The following ST7L variants were observed in gnomAD, a reference collection of about 807,000 sequenced individuals.
ST7L encodes the protein suppression of tumorigenicity 7 like.
Under a neutral mutation model 72.5 loss-of-function variants are expected in ST7L, and 57 were observed. That is an observed-to-expected ratio of 0.79 (90% CI 0.64 to 0.98). The LOEUF (loss-of-function observed/expected upper bound fraction) is 0.98, where lower values mean the gene tolerates loss of function less well. Ranked by LOEUF, ST7L falls within the 50% of genes least tolerant of loss-of-function variation. ST7L has a pLI of 0.00. For synonymous variants in ST7L, 221 were observed against 240.9 expected, an observed-to-expected ratio of 0.92 and a Z score of 0.77; for missense variants, 576 against 672.2, an observed-to-expected ratio of 0.86 and a Z score of 1.58.
chr1:112,561,918 T>G (rs1660220299), intron 11 of ST7L, among the ~76,000 whole-genome samples: 1 of 151,920 alleles, frequency 6.6e-6, no homozygotes, highest in Admixed American at 6.6e-5. Context: ...GTAAAAACAG[T>G]TACGTAAACT....
At chr1:112,552,875 G>A (rs1156326028) in intron 12 of ST7L, among the ~76,000 whole-genome samples, 3 of 152,074 alleles carry the variant, frequency 2.0e-5, no homozygotes, top group South Asian at 4.2e-4. Flanking sequence ...AGGCCAAGGT[G>A]GAAGGATTGC....
intron 1 of ST7L, 70 bp from the exon 2 acceptor site, chr1:112,616,965 G>A: frequency 6.8e-6 from 7 of 1,035,486 alleles, no homozygotes; most frequent in South Asian, 5.5e-5. Flanking sequence ...AAATATGCAA[G>A]TATCTTTATG....
intron 2 of ST7L, among the ~76,000 whole-genome samples, chr1:112,614,110 C>T (rs1669492199): frequency 6.6e-6 from 1 of 152,164 alleles, no homozygotes; most frequent in Non-Finnish European, 1.5e-5. Flanking sequence ...ATAGCTTAGA[C>T]AGTTTATGTA....
At chr1:112,541,713 A>G (rs1656129325) in intron 14 of ST7L, 2 of 1,054,368 alleles carry the variant, frequency 1.9e-6, no homozygotes, top group South Asian at 4.7e-5. Context: ...AGCAAACTTT[A>G]TAATGTTATA....
At chr1:112,574,976 T>C (rs561789465) in intron 11 of ST7L, among the ~76,000 whole-genome samples, 3 of 151,966 alleles carry the variant, frequency 2.0e-5, no homozygotes, top group South Asian at 4.2e-4. Flanking sequence ...CGGTGGCTTA[T>C]GCCTGTAATC....
At position 112,552,204 on chromosome 1, in the gene ST7L, G is replaced by A. The variant is rs538415636; in HGVS notation, c.1397-1511C>T. On this transcript the variant is annotated intron_variant, in intron 12 of 14. Coordinates refer to ENST00000358039, the MANE Select transcript of ST7L (RefSeq NM_017744.5). ...GTAAGGGGAAACCCACAAAGGCATG[G>A]GAATATCTTGCAAACTTCACAAAGA... 1.4e-4 allele frequency among the ~76,000 whole-genome samples: 22 copies of A among 152,100 alleles called. No individual in the cohort carries two copies. The South Asian group carries it at 4.4e-3, about 30-fold the overall frequency.
At chr1:112,603,032 T>C (rs1667673326) in intron 3 of ST7L, among the ~76,000 whole-genome samples, 1 of 151,962 alleles carries the variant, frequency 6.6e-6, no homozygotes, top group Admixed American at 6.6e-5. Flanking sequence ...GATATTTTCT[T>C]AAAAATGAAC....
rs185463028 is a variant in ST7L at position 112,600,466 on chromosome 1, T to C, written c.506+328A>G. ...AAAAAATTAGCTGGATGTGGTGGCA[T>C]GTGCCTATAGTCCCAGCTACTTGGG... is the stretch of plus-strand genomic sequence containing the variant. On this transcript the variant is annotated intron_variant, in intron 4 of 14. Coordinates refer to ENST00000358039, the MANE Select transcript of ST7L (RefSeq NM_017744.5). Among the ~76,000 whole-genome samples the C allele has an allele frequency of 4.3e-3, 653 of 152,176 alleles. 4 individuals carry two copies. The highest frequency in any genetic ancestry group is 0.015 in the African/African-American group (629 of 41,534).
At chr1:112,548,122 A>G (rs1657464892) in intron 13 of ST7L, among the ~76,000 whole-genome samples, 1 of 152,122 alleles carries the variant, frequency 6.6e-6, no homozygotes, top group Non-Finnish European at 1.5e-5. Context: ...TGGGAGGCCA[A>G]GGCGGGTGGA....
At chr1:112,590,654 A>C (rs1054776012) in intron 6 of ST7L, among the ~76,000 whole-genome samples, 3 of 152,208 alleles carry the variant, frequency 2.0e-5, no homozygotes, top group Non-Finnish European at 4.4e-5. Context: ...GCATTAGATT[A>C]GTATTTATTG....
At chr1:112,570,545 G>A (rs372435917) in intron 11 of ST7L, among the ~76,000 whole-genome samples, 35 of 130,894 alleles carry the variant, frequency 2.7e-4, no homozygotes, top group East Asian at 5.2e-4. Context: ...AATAAAAGAT[G>A]TATATATATA....
At chr1:112,534,416 C>T (rs1389176510) in intron 14 of ST7L, among the ~76,000 whole-genome samples, 1 of 152,074 alleles carries the variant, frequency 6.6e-6, no homozygotes, top group Non-Finnish European at 1.5e-5. Context: ...ATAATGTTCC[C>T]ATGGTTTCGG....
chr1:112,581,448 G>C (rs1271568810), intron 9 of ST7L, among the ~76,000 whole-genome samples: 1 of 149,884 alleles, frequency 6.7e-6, no homozygotes, highest in Non-Finnish European at 1.5e-5. Flanking sequence ...GCCTAGGCTG[G>C]ACTACAGTGG....
intron 6 of ST7L, among the ~76,000 whole-genome samples, chr1:112,591,123 G>C (rs535161527): frequency 6.6e-6 from 1 of 151,822 alleles, no homozygotes; most frequent in African/African-American, 2.4e-5. Flanking sequence ...AGTAGAGACG[G>C]GGTTTCACCG....
At chr1:112,618,839 GC>G in intron 1 of ST7L, 69 bp downstream of exon 1, 1 of 1,527,726 alleles carries the variant, frequency 6.5e-7, no homozygotes. Context: ...AGAATCTCTT[GC>G]CCTTTGGCTC....
rs528305521 is a variant in ST7L, at chr1:112,591,430, C to T, written c.701+95G>A. ...CATGCAAAAAGGAAATGACTAATGACTCCAAGTGTCTTAGGAACAGACAAA... is the reference window on the plus strand; with the variant it reads ...CATGCAAAAAGGAAATGACTAATGATTCCAAGTGTCTTAGGAACAGACAAA... On this transcript the variant is annotated intron_variant, in intron 6 of 14. Transcript: ENST00000358039. 92 of 1,012,434 alleles carry T rather than the reference C, an allele frequency of 9.1e-5. No homozygotes were observed. In the East Asian group the frequency reaches 2.5e-3, roughly 27 times the overall value. 62.7% of individuals were successfully genotyped at this position (1,012,434 alleles called of 1,614,324 possible). A position where few individuals can be genotyped will look rare whatever the true frequency, so the allele number is the denominator to read the frequency against.
chr1:112,619,407 G>GCC (rs34583754), upstream of ST7L: 1,595 of 464,376 alleles, frequency 3.4e-3, 8 homozygotes, highest in African/African-American at 0.027. Context: ...CTTTCACACC[G>GCC]CCCCCCCCCC....
chr1:112,595,505 C>T (rs1666352205), intron 5 of ST7L, among the ~76,000 whole-genome samples: 1 of 152,004 alleles, frequency 6.6e-6, no homozygotes, highest in Non-Finnish European at 1.5e-5. Context: ...ACTGCAGCCC[C>T]AACCTTCTAG....
At chr1:112,619,654 C>T, upstream of ST7L, 1 of 593,900 alleles carries the variant, frequency 1.7e-6, no homozygotes. Context: ...CTAAGGCAAA[C>T]CCTACTTCCT....
Sources: allele counts gnomAD v4.1 joint callset (sites outside exome capture counted in the v4.1 genomes callset), GRCh38; gene constraint gnomAD v4.1.1; transcripts MANE v1.5; gene names NCBI Gene and HGNC (gene_info 2026-07-23, HGNC 2026-07-21).